The following TNRC6B variants were observed in gnomAD, a reference collection of about 807,000 sequenced individuals.
TNRC6B encodes trinucleotide repeat containing adaptor 6B.
TNRC6B carries 52 observed loss-of-function variants against 203.6 expected under a neutral mutation model. The ratio of observed to expected loss-of-function variants is 0.26; its 90% CI spans 0.20 to 0.32. The LOEUF is 0.32. TNRC6B is among the 10% of genes least tolerant of loss of function. The probability of loss-of-function intolerance (pLI) is 1.00; values close to 1 mark genes in which losing one functional copy is unlikely to be tolerated. For missense variants in TNRC6B, 1,923 were observed against 2,286.2 expected, an observed-to-expected ratio of 0.84 and a Z score of 3.24; for synonymous variants, 838 against 845.7, an observed-to-expected ratio of 0.99 and a Z score of 0.16.
At chr22:40,084,809 C>G (rs764548742) in intron 1 of TNRC6B, among the ~76,000 whole-genome samples, 1 of 152,088 alleles carries the variant, frequency 6.6e-6, no homozygotes, top group Admixed American at 6.5e-5. Context: ...AGTCAGATGA[C>G]GAAGGGTTTT....
At chr22:40,272,683 G>C (rs1055730512) in intron 6 of TNRC6B, among the ~76,000 whole-genome samples, 7 of 152,224 alleles carry the variant, frequency 4.6e-5, no homozygotes, top group Middle Eastern at 3.4e-3. Context: ...GTTTAGAATG[G>C]GATACTGATG....
Position 40,329,554 on chromosome 22 carries a change from C to G in TNRC6B, c.*6313C>G, listed in dbSNP as rs553546600. ...ACAATAAAAATTCAACATCGACCCT[C>G]CCTAACCTGCTCACCATACCTCCCC... On this transcript the variant is annotated 3_prime_UTR_variant, in exon 23 of 23. Coordinates refer to ENST00000454349, the MANE Select transcript of TNRC6B (RefSeq NM_001162501.2). 2 of 152,224 alleles carry G rather than the reference C, an allele frequency of 1.3e-5. No homozygotes were observed. The highest frequency in any genetic ancestry group is 4.8e-5 in the African/African-American group (2 of 41,534). 9.4% of individuals were successfully genotyped at this position (152,224 alleles called of 1,614,324 possible).
chr22:40,111,926 C>T (rs1645607027), intron 1 of TNRC6B, among the ~76,000 whole-genome samples: 2 of 152,182 alleles, frequency 1.3e-5, no homozygotes, highest in Admixed American at 6.5e-5. Context: ...GATGGTAAAA[C>T]CCCAACTCTA....
Position 40,326,597 on chromosome 22 carries a change from A to T in TNRC6B, c.*3356A>T, listed in dbSNP as rs1241392444. On this transcript the variant is annotated 3_prime_UTR_variant, in exon 23 of 23. Transcript: ENST00000454349. Reference sequence around the variant, plus strand: ...ACTGAAATCTCCCCTAGTAATTTTTATTTTTTTAAAGGAACCCTTCTCCTT... The same window carrying T: ...ACTGAAATCTCCCCTAGTAATTTTTTTTTTTTTAAAGGAACCCTTCTCCTT... 3 of 152,304 alleles carry T rather than the reference A, an allele frequency of 2.0e-5. No individual in the cohort carries two copies. The highest frequency in any genetic ancestry group is 4.4e-5 in the Non-Finnish European group (3 of 67,958). 9.4% of individuals were successfully genotyped at this position (152,304 alleles called of 1,614,324 possible).
chr22:40,053,160 T>TAA (rs76520904), intron 1 of TNRC6B, among the ~76,000 whole-genome samples: 81 of 135,462 alleles, frequency 6.0e-4, no homozygotes, highest in African/African-American at 1.1e-3. Context: ...AGATTTTCTT[T>TAA]AAAAAAAAAA....
intron 2 of TNRC6B, among the ~76,000 whole-genome samples, chr22:40,121,987 A>C (rs761074761): frequency 1.3e-5 from 2 of 152,244 alleles, no homozygotes; most frequent in Admixed American, 1.3e-4. Context: ...CCCCCTCATT[A>C]AAGTCCAAGG....
chr22:40,177,003 G>A (rs1159703545), upstream of TNRC6B, among the ~76,000 whole-genome samples: 1 of 152,180 alleles, frequency 6.6e-6, no homozygotes. Context: ...GATGGGTAAG[G>A]GACTTACTTA....
At chr22:40,294,570 A>G (rs1009772390) in intron 12 of TNRC6B, among the ~76,000 whole-genome samples, 16 of 152,240 alleles carry the variant, frequency 1.1e-4, no homozygotes, top group African/African-American at 3.4e-4. Flanking sequence ...GGGCAACACT[A>G]TGTTACCAAA....
At chr22:40,058,152 A>G (rs1169599402) in intron 1 of TNRC6B, among the ~76,000 whole-genome samples, 1 of 152,244 alleles carries the variant, frequency 6.6e-6, no homozygotes, top group Non-Finnish European at 1.5e-5. Flanking sequence ...CTGCTCCAGA[A>G]AGAGGAGATC....
At chr22:40,157,026 C>T (rs1004199952) in intron 4 of TNRC6B, among the ~76,000 whole-genome samples, 1 of 151,962 alleles carries the variant, frequency 6.6e-6, no homozygotes, top group Admixed American at 6.6e-5. Context: ...CTGCCTGCCT[C>T]GGCCTCCCAA....
At chr22:40,296,874 C>T (rs997197855) in intron 12 of TNRC6B, among the ~76,000 whole-genome samples, 1 of 152,146 alleles carries the variant, frequency 6.6e-6, no homozygotes, top group Non-Finnish European at 1.5e-5. Flanking sequence ...GTGATCTCCG[C>T]CCGACTTGGC....
In TNRC6B at chr22:40,179,206, G is replaced by A. The variant is rs1388266591; in HGVS notation, c.5+1066G>A. Reference sequence around the variant, plus strand: ...GCAGGATTCTGGAAGCCTGAGAGCAGGGAGGAAAGAAAGCTGAAAACTTGC... The same window carrying A: ...GCAGGATTCTGGAAGCCTGAGAGCAAGGAGGAAAGAAAGCTGAAAACTTGC... On this transcript the variant is annotated intron_variant, in intron 1 of 22. Transcript: ENST00000454349. Among the ~76,000 whole-genome samples, 10 of 152,266 alleles carry A rather than the reference G, an allele frequency of 6.6e-5. 1 individual carries two copies. The East Asian group carries it at 1.9e-3, about 29-fold the overall frequency.
In TNRC6B at chr22:40,293,190, C is replaced by CTTTTTTTTT. The variant is rs748230080; in HGVS notation, c.3709-7250_3709-7242dup. Among the ~76,000 whole-genome samples, 447 of 79,366 alleles carry CTTTTTTTTT rather than the reference C, an allele frequency of 5.6e-3. 12 individuals are homozygous for CTTTTTTTTT. Among genetic ancestry groups the CTTTTTTTTT allele is most frequent in the Admixed American group, 0.01 (50 of 4,936 alleles). 52.1% of individuals were successfully genotyped at this position (79,366 alleles called of 152,430 possible). A position where few individuals can be genotyped will look rare whatever the true frequency, so the allele number is the denominator to read the frequency against. ...AGCAGTGCTGCTATAATATCCTTTT[C>CTTTTTTTTT]TTTTTTTTTTTTTTTTTTTTTTTGA... On this transcript the variant is annotated intron_variant, in intron 12 of 22. Transcript: ENST00000454349.
intron 1 of TNRC6B, among the ~76,000 whole-genome samples, chr22:40,210,306 C>G (rs937057477): frequency 5.9e-5 from 9 of 152,222 alleles, no homozygotes; most frequent in African/African-American, 2.2e-4. Context: ...GCTGTTGTCT[C>G]TCAGATTCTG....
chr22:40,208,133 C>CAAAAAA lies in TNRC6B; in HGVS notation c.5+29995_5+30000dup, dbSNP rs1399436419. Among the ~76,000 whole-genome samples the CAAAAAA allele has an allele frequency of 2.3e-3, 255 of 108,942 alleles. 1 individual carries two copies. Among genetic ancestry groups the CAAAAAA allele is most frequent in the Middle Eastern group, 4.6e-3 (1 of 218 alleles). The allele number at this position is 108,942 out of a possible 152,430, so 71.5% of individuals were successfully genotyped here. ...TCTCAAAAAAAAAAAAAAAAAAAAACAAAAAAACAAGAAAAAAACAAGTTT... is the reference window on the plus strand; with the variant it reads ...TCTCAAAAAAAAAAAAAAAAAAAAACAAAAAAAAAAAAACAAGAAAAAAACAAGTTT... On this transcript the variant is annotated intron_variant, in intron 1 of 22. Transcript: ENST00000454349.
intron 1 of TNRC6B, among the ~76,000 whole-genome samples, chr22:40,065,102 G>A (rs1311137638): frequency 2.5e-5 from 3 of 117,824 alleles, no homozygotes; most frequent in Middle Eastern, 3.7e-3. Flanking sequence ...TGTTCCCTTC[G>A]TTTTTGGAGG....
At chr22:40,167,456 G>C (rs368431964) in intron 4 of TNRC6B, among the ~76,000 whole-genome samples, 2 of 152,112 alleles carry the variant, frequency 1.3e-5, no homozygotes, top group East Asian at 1.9e-4. Flanking sequence ...GTTGTTTAAT[G>C]TGTGCAGAAT....
chr22:40,086,301 A>C (rs912057760), intron 1 of TNRC6B, among the ~76,000 whole-genome samples: 1 of 152,228 alleles, frequency 6.6e-6, no homozygotes, highest in African/African-American at 2.4e-5. Context: ...AGTATCCTCC[A>C]AAAGAGACCA....
chr22:40,169,729 A>G (rs546546935), intron 4 of TNRC6B, among the ~76,000 whole-genome samples: 2 of 152,128 alleles, frequency 1.3e-5, no homozygotes, highest in Non-Finnish European at 2.9e-5. Flanking sequence ...TATCTCTACC[A>G]GAGTGGTTTT....
Sources: gnomAD v4.1 joint callset for allele counts (sites outside exome capture counted in the v4.1 genomes callset) on GRCh38, gnomAD v4.1.1 for gene constraint, MANE v1.5 for transcripts, NCBI Gene and HGNC (gene_info 2026-07-23, HGNC 2026-07-21) for gene names.